TMEM209: variants seen among roughly 807,000 people sequenced by gnomAD.
TMEM209 encodes transmembrane protein 209.
A neutral mutation model predicts 76.2 loss-of-function variants in TMEM209; 65 were observed. The observed-to-expected ratio is 0.85, with a 90% CI of 0.70 to 1.05. The LOEUF (loss-of-function observed/expected upper bound fraction) is 1.05, where lower values mean the gene tolerates loss of function less well. Ranked by LOEUF, TMEM209 falls within the 50% of genes least tolerant of loss-of-function variation. The probability of loss-of-function intolerance (pLI) is 0.00; values close to 1 mark genes in which losing one functional copy is unlikely to be tolerated. For missense variants in TMEM209, 623 were observed against 685.5 expected, an observed-to-expected ratio of 0.91 and a Z score of 1.02; for synonymous variants, 239 against 237.6, an observed-to-expected ratio of 1.01 and a Z score of -0.06.
intron 5 of TMEM209, among the ~76,000 whole-genome samples, chr7:130,193,702 A>C (rs1029074817): frequency 6.6e-6 from 1 of 152,184 alleles, no homozygotes; most frequent in African/African-American, 2.4e-5. Flanking sequence ...ATTAAAAAAA[A>C]ACACTGGTTA....
At chr7:130,195,420 C>T (rs1205769148) in intron 5 of TMEM209, among the ~76,000 whole-genome samples, 1 of 151,984 alleles carries the variant, frequency 6.6e-6, no homozygotes, top group East Asian at 1.9e-4. Context: ...ATAATGCTGG[C>T]ATATATATGA....
At chr7:130,181,951 T>A (rs1797436774) in intron 8 of TMEM209, 5 of 359,670 alleles carry the variant, frequency 1.4e-5, no homozygotes, top group East Asian at 5.8e-5. Flanking sequence ...ATTCCTTTTT[T>A]TTTTTCGAGA....
intron 13 of TMEM209, 70 bp downstream of exon 13, chr7:130,173,562 A>G: frequency 8.3e-7 from 1 of 1,205,164 alleles, no homozygotes; most frequent in Non-Finnish European, 1.2e-6. Flanking sequence ...TGAGATTATA[A>G]TTTTAAAAAC....
In TMEM209 at chr7:130,173,957, A is replaced by AT. The variant is rs775756836; in HGVS notation, c.1345-19dup. The AT allele has an allele frequency of 1.6e-4, 250 of 1,532,290 alleles. No individual in the cohort carries two copies. The highest frequency in any genetic ancestry group is 1.9e-4 in the Non-Finnish European group (216 of 1,107,916). The allele number at this position is 1,532,290 out of a possible 1,614,324, so 94.9% of individuals were successfully genotyped here. A position where few individuals can be genotyped will look rare whatever the true frequency, so the allele number is the denominator to read the frequency against. ...ATGATGATCTGAGGATGAAGAAATA[A>AT]TTTTTTTTTAAGTCAGCATGAAAAT... is the stretch of plus-strand genomic sequence containing the variant. On this transcript the variant is annotated intron_variant, in intron 11 of 14. Coordinates refer to ENST00000397622, the MANE Select transcript of TMEM209 (RefSeq NM_032842.4).
chr7:130,202,723 C>T, intron 3 of TMEM209, 60 bp from the exon 4 acceptor site: 2 of 1,546,210 alleles, frequency 1.3e-6, no homozygotes, highest in Non-Finnish European at 8.7e-7. Flanking sequence ...TTGGAGAACA[C>T]AAAAACCCTC....
chr7:130,199,818 A>C (rs1328182480), intron 5 of TMEM209: 1 of 152,200 alleles, frequency 6.6e-6, no homozygotes, highest in East Asian at 1.9e-4. Context: ...ATAGTATTTA[A>C]CATTTTTTGT....
At chr7:130,202,803 G>T in intron 3 of TMEM209, 140 bp from the exon 4 acceptor site, 1 of 1,035,746 alleles carries the variant, frequency 9.7e-7, no homozygotes, top group Non-Finnish European at 1.3e-6. Context: ...GTTATGTGTA[G>T]GGTGGCTGGG....
In TMEM209 at chr7:130,175,554, G is replaced by C. The variant is rs755595290; in HGVS notation, c.1302C>G (p.Phe434Leu). 1 of 1,613,336 alleles carries C rather than the reference G, an allele frequency of 6.2e-7. No homozygotes were observed. Among genetic ancestry groups the C allele is most frequent in the African/African-American group, 1.3e-5 (1 of 74,982 alleles). ...SSFRWNRGGDFKGRKWDTDLP... is the reference protein window; with the variant it reads ...SSFRWNRGGDLKGRKWDTDLP... The stretch of plus-strand genomic sequence containing the variant: ...GGTCTGTATCCCACTTTCGTCCTTT[G>C]AAGTCGCCACCTCTGTTCCATCGAA... Residue 434 changes from phenylalanine (F) to leucine (L), a missense_variant, in exon 11 of 15, where the codon TTC becomes TTG. By Grantham distance (22) the Phe-to-Leu change is conservative (BLOSUM62 0). Transcript: ENST00000397622.
intron 13 of TMEM209, among the ~76,000 whole-genome samples, chr7:130,173,306 C>A (rs1010471797): frequency 1.3e-5 from 2 of 152,120 alleles, no homozygotes; most frequent in Non-Finnish European, 2.9e-5. Context: ...CATGCCACTA[C>A]ACTCCAGCCT....
chr7:130,173,551 A>G lies in TMEM209; in HGVS notation c.1557+81T>C, dbSNP rs773870359. On this transcript the variant is annotated intron_variant, in intron 13 of 14. Transcript: ENST00000397622. ...TAAAAAATTTACTTCTTCTATTAAC[A>G]TGAGATTATAATTTTAAAAACATCA... is the stretch of plus-strand genomic sequence containing the variant. 8.8e-5 allele frequency: 94 copies of G among 1,063,608 alleles called. 1 individual carries two copies. The highest frequency in any genetic ancestry group is 1.7e-5 in the Non-Finnish European group (12 of 722,758). 65.9% of individuals were successfully genotyped at this position (1,063,608 alleles called of 1,614,324 possible).
At chr7:130,180,885 G>A (rs1797388948) in intron 9 of TMEM209, among the ~76,000 whole-genome samples, 1 of 152,190 alleles carries the variant, frequency 6.6e-6, no homozygotes, top group Admixed American at 6.5e-5. Flanking sequence ...GCAGCTAGGT[G>A]CTTTAGAAGA....
Position 130,203,852 on chromosome 7 carries a change from A to G in TMEM209, c.141-6T>C. The G allele has an allele frequency of 6.3e-7, 1 of 1,599,618 alleles. No individual in the cohort carries two copies. The highest frequency in any genetic ancestry group is 1.1e-5 in the South Asian group (1 of 88,820). The stretch of plus-strand genomic sequence containing the variant: ...AACTAATCAATTTTCCAGTCCTGAA[A>G]AAAAATTAGAAAGGCTTTCCAGTGA... On this transcript the variant is annotated splice_region_variant and splice_polypyrimidine_tract_variant and intron_variant, in intron 2 of 14. Transcript: ENST00000397622.
intron 5 of TMEM209, among the ~76,000 whole-genome samples, chr7:130,198,159 A>C (rs1798054490): frequency 6.6e-6 from 1 of 152,184 alleles, no homozygotes; most frequent in Non-Finnish European, 1.5e-5. Context: ...AACTAGAATC[A>C]TATAATATGT....
intron 9 of TMEM209, among the ~76,000 whole-genome samples, chr7:130,180,083 G>A (rs1797359997): frequency 6.6e-6 from 1 of 152,156 alleles, no homozygotes; most frequent in South Asian, 2.1e-4. Flanking sequence ...AAGAGGATAT[G>A]CACCGTAGCA....
At position 130,205,380 on chromosome 7, in the gene TMEM209, T is replaced by C. The variant is rs1467871150; in HGVS notation, c.-5A>G. The C allele has an allele frequency of 3.7e-6, 6 of 1,613,826 alleles. No individual in the cohort carries two copies. Among genetic ancestry groups the C allele is most frequent in the Non-Finnish European group, 5.1e-6 (6 of 1,179,892 alleles). ...ACGACCCCGAAAACGCACCATGTCC[T>C]CTGGCCGGAAAACGCAGGCTCGCGC... On this transcript the variant is annotated 5_prime_UTR_variant, in exon 1 of 15. Transcript: ENST00000397622.
chr7:130,185,961 A>G (rs1797583556), intron 6 of TMEM209, among the ~76,000 whole-genome samples: 1 of 152,202 alleles, frequency 6.6e-6, no homozygotes, highest in Non-Finnish European at 1.5e-5. Flanking sequence ...ATGTACTCCT[A>G]CAGAGGCCTC....
chr7:130,167,461 T>C (rs1161478820), intron 14 of TMEM209, among the ~76,000 whole-genome samples: 1 of 152,142 alleles, frequency 6.6e-6, no homozygotes, highest in African/African-American at 2.4e-5. Context: ...TAGGAGCTGT[T>C]TGCACACTTT....
chr7:130,205,281 G>A (rs1381358010), intron 1 of TMEM209, 92 bp downstream of exon 1: 6 of 1,612,366 alleles, frequency 3.7e-6, no homozygotes, highest in African/African-American at 2.7e-5. Flanking sequence ...CATCCCCCTT[G>A]GCTGAACCCA....
intron 10 of TMEM209, among the ~76,000 whole-genome samples, chr7:130,176,895 A>G (rs1186396926): frequency 1.3e-5 from 2 of 151,976 alleles, no homozygotes; most frequent in African/African-American, 4.8e-5. Flanking sequence ...GCTCACTCCT[A>G]TAATCCCAGC....
Sources: gnomAD v4.1 joint callset for allele counts (sites outside exome capture counted in the v4.1 genomes callset) on GRCh38, gnomAD v4.1.1 for gene constraint, MANE v1.5 for transcripts, NCBI Gene and HGNC (gene_info 2026-07-23, HGNC 2026-07-21) for gene names.